The following FGF14 variants were observed in gnomAD, a reference collection of about 807,000 sequenced individuals.
The protein encoded by FGF14 is fibroblast growth factor homologous factor 4.
FGF14 carries 5 observed loss-of-function variants against 25.5 expected under a neutral mutation model. The ratio of observed to expected loss-of-function variants is 0.20; its 90% CI spans 0.10 to 0.41. The LOEUF is 0.41. Among genes scored for constraint, FGF14 ranks in the 10% least tolerant of loss-of-function variants. FGF14 has a pLI of 1.00. For synonymous variants in FGF14, 138 were observed against 118.3 expected (o/e 1.17, Z -1.08); for missense variants, 222 against 320.1 (o/e 0.69, Z 2.34).
chr13:102,111,770 C>T (rs2045239931), intron 1 of FGF14, among the ~76,000 whole-genome samples: 2 of 99,820 alleles, frequency 2.0e-5, no homozygotes, highest in African/African-American at 1.0e-4. Flanking sequence ...GTAGGCCAAC[C>T]ATCAAACAAA....
chr13:101,955,288 C>T (rs936452832), intron 1 of FGF14, among the ~76,000 whole-genome samples: 2 of 152,038 alleles, frequency 1.3e-5, no homozygotes, highest in East Asian at 3.9e-4. Context: ...TCCTTTAAAT[C>T]GTTCTACACT....
intron 1 of FGF14, among the ~76,000 whole-genome samples, chr13:102,362,317 C>T (rs916200032): frequency 6.6e-6 from 1 of 152,070 alleles, no homozygotes; most frequent in Non-Finnish European, 1.5e-5. Flanking sequence ...CTTTTTCTGG[C>T]TCATTATTAT....
chr13:101,813,690 T>C (rs1431083671), intron 3 of FGF14, among the ~76,000 whole-genome samples: 1 of 152,220 alleles, frequency 6.6e-6, no homozygotes, highest in Non-Finnish European at 1.5e-5. Flanking sequence ...AAATAGTATT[T>C]CAAATTGGCC....
At chr13:102,092,039 G>A (rs960113137) in intron 1 of FGF14, among the ~76,000 whole-genome samples, 1 of 152,162 alleles carries the variant, frequency 6.6e-6, no homozygotes, top group Non-Finnish European at 1.5e-5. Flanking sequence ...AACAGCTACT[G>A]GTACTGACTG....
chr13:101,857,047 G>T (rs2044162910), intron 3 of FGF14, among the ~76,000 whole-genome samples: 1 of 151,992 alleles, frequency 6.6e-6, no homozygotes, highest in African/African-American at 2.4e-5. Context: ...GTTTCCTCAT[G>T]AAGGGCACAC....
At chr13:101,760,644 T>C (rs1449961621) in intron 3 of FGF14, among the ~76,000 whole-genome samples, 1 of 152,228 alleles carries the variant, frequency 6.6e-6, no homozygotes, top group Non-Finnish European at 1.5e-5. Flanking sequence ...CATCCATCCA[T>C]GTACTCATTC....
chr13:101,749,482 G>C (rs1255962380), intron 3 of FGF14, among the ~76,000 whole-genome samples: 1 of 151,838 alleles, frequency 6.6e-6, no homozygotes, highest in South Asian at 2.1e-4. Flanking sequence ...TACAGAAATA[G>C]AGAATAAAAA....
rs201842835 is a variant in FGF14 at position 101,837,168 on chromosome 13, A to ATG, written c.408+31555_408+31556dup. Among the ~76,000 whole-genome samples, 549 of 144,018 alleles carry ATG rather than the reference A, an allele frequency of 3.8e-3. 1 individual carries two copies. The highest frequency in any genetic ancestry group is 0.012 in the African/African-American group (440 of 37,802). The allele number at this position is 144,018 out of a possible 152,430, so 94.5% of individuals were successfully genotyped here. A position where few individuals can be genotyped will look rare whatever the true frequency, so the allele number is the denominator to read the frequency against. On this transcript the variant is annotated intron_variant, in intron 3 of 4. Coordinates refer to ENST00000376143, the MANE Select transcript of FGF14 (RefSeq NM_004115.4). Reference sequence around the variant, plus strand: ...TCAAGTGTGACTGAGCTGGTACTATATGTGTGTGTGTGTGTATGTGTGTTT... The same window carrying ATG: ...TCAAGTGTGACTGAGCTGGTACTATATGTGTGTGTGTGTGTGTATGTGTGTTT...
chr13:102,297,699 A>G lies in FGF14; in HGVS notation c.208+103772T>C, dbSNP rs373438707. The stretch of plus-strand genomic sequence containing the variant: ...CCAGGAGTTTGAGACCAGTCTGGGC[A>G]ATACAGCAAGATCCTACCTCTATAA... On this transcript the variant is annotated intron_variant, in intron 1 of 4. Coordinates refer to the FGF14 transcript ENST00000376131. 4.4e-4 allele frequency among the ~76,000 whole-genome samples: 66 copies of G among 150,800 alleles called. No individual in the cohort carries two copies. In the South Asian group the frequency reaches 0.014, roughly 31 times the overall value.
chr13:102,142,372 T>C (rs1336134707), intron 1 of FGF14, among the ~76,000 whole-genome samples: 1 of 152,118 alleles, frequency 6.6e-6, no homozygotes, highest in Non-Finnish European at 1.5e-5. Context: ...TACCTCCATC[T>C]GCAACAGCTG....
At chr13:102,282,863 A>T (rs1475256521) in intron 1 of FGF14, among the ~76,000 whole-genome samples, 1 of 152,188 alleles carries the variant, frequency 6.6e-6, no homozygotes, top group Non-Finnish European at 1.5e-5. Flanking sequence ...TTAAAAAAAA[A>T]AAAAAACCTC....
At chr13:101,762,536 CATATAA>C (rs1240937408) in intron 3 of FGF14, among the ~76,000 whole-genome samples, 1 of 152,160 alleles carries the variant, frequency 6.6e-6, no homozygotes, top group East Asian at 1.9e-4. Context: ...TTAGGTAATA[CATATAA>C]ATATAATAAC....
chr13:102,213,350 C>T (rs1199868151), intron 1 of FGF14, among the ~76,000 whole-genome samples: 1 of 152,154 alleles, frequency 6.6e-6, no homozygotes, highest in East Asian at 1.9e-4. Context: ...AACATAATTC[C>T]TCCTAGAACA....
intron 1 of FGF14, among the ~76,000 whole-genome samples, chr13:101,937,688 G>C (rs541813828): frequency 6.6e-6 from 1 of 152,136 alleles, no homozygotes; most frequent in Non-Finnish European, 1.5e-5. Context: ...TCTGCCTCCC[G>C]GATTCAAGCG....
At chr13:101,973,195 A>G (rs1023558924) in intron 1 of FGF14, among the ~76,000 whole-genome samples, 2 of 150,020 alleles carry the variant, frequency 1.3e-5, no homozygotes. Context: ...GGTTTGGTAC[A>G]TAATTGGAAC....
chr13:102,176,128 C>T (rs147499984), intron 1 of FGF14, among the ~76,000 whole-genome samples: 27 of 152,144 alleles, frequency 1.8e-4, no homozygotes, highest in Middle Eastern at 3.4e-3. Flanking sequence ...ATATGTTTAT[C>T]GCTGCACTGT....
chr13:102,323,330 A>G (rs1359487902), intron 1 of FGF14, among the ~76,000 whole-genome samples: 2 of 152,228 alleles, frequency 1.3e-5, no homozygotes, highest in Non-Finnish European at 2.9e-5. Context: ...TAAAGGATTT[A>G]TAAGTTCATA....
chr13:101,900,075 T>A (rs147914021), intron 1 of FGF14, among the ~76,000 whole-genome samples: 1,767 of 152,150 alleles, frequency 0.012, 33 homozygotes, highest in African/African-American at 0.04. Flanking sequence ...TATTTTGAAA[T>A]TAAACAAGCA....
rs1340881864 is a variant in FGF14 at position 102,354,829 on chromosome 13, TTC to T, written c.208+46640_208+46641del. Among the ~76,000 whole-genome samples, 8 of 152,344 alleles carry T rather than the reference TTC, an allele frequency of 5.3e-5. No homozygotes were observed. The East Asian group carries it at 1.5e-3, about 29-fold the overall frequency. On this transcript the variant is annotated intron_variant, in intron 1 of 4. Coordinates refer to the FGF14 transcript ENST00000376131. ...TGTTAAATACACACCTCTGTTCTTA[TTC>T]TCTCTTTGGAGAGAAAGTGTTTTCC...
Sources: allele counts gnomAD v4.1 joint callset (sites outside exome capture counted in the v4.1 genomes callset), GRCh38; gene constraint gnomAD v4.1.1; transcripts MANE v1.5; gene names NCBI Gene and HGNC (gene_info 2026-07-23, HGNC 2026-07-21).